Variants in NFAT5 observed in about 807,000 individuals in gnomAD.
NFAT5 encodes the protein nuclear factor of activated T-cells 5.
In NFAT5, 31 loss-of-function variants were observed where a neutral mutation model predicts 166.5. That is an observed-to-expected ratio of 0.19 (90% confidence interval 0.14 to 0.25). NFAT5 has a LOEUF of 0.25. Among genes scored for constraint, NFAT5 ranks in the 10% least tolerant of loss-of-function variants. The probability of loss-of-function intolerance (pLI) is 1.00; values close to 1 mark genes in which losing one functional copy is unlikely to be tolerated. For synonymous variants in NFAT5, 612 were observed against 639.7 expected (o/e 0.96, Z 0.65); for missense variants, 1,449 against 1,821.8 (o/e 0.80, Z 3.72).
chr16:69,568,674 G>C (rs994011925), intron 2 of NFAT5, 126 bp downstream of exon 2: 10 of 638,234 alleles, frequency 1.6e-5, no homozygotes, highest in East Asian at 3.2e-5. Context: ...TAAAGAGTCT[G>C]ATCCTTCTTT....
At chr16:69,688,209 A>ACAAACAAAC (rs1200050060) in intron 11 of NFAT5, among the ~76,000 whole-genome samples, 2 of 120,704 alleles carry the variant, frequency 1.7e-5, no homozygotes, top group Non-Finnish European at 1.6e-5. Context: ...TCTCAAAAAA[A>ACAAACAAAC]AAAAAAAAAA....
Position 69,692,817 on chromosome 16 carries a change from A to G in NFAT5, c.2992A>G (p.Thr998Ala), listed in dbSNP as rs983199439. The G allele has an allele frequency of 2.5e-6, 4 of 1,614,220 alleles. No individual in the cohort carries two copies. The highest frequency in any genetic ancestry group is 2.5e-6 in the Non-Finnish European group (3 of 1,180,032). The stretch of plus-strand genomic sequence containing the variant: ...ACAGCAGGTTGCAACCCCTGGCACT[A>G]CCATGTTTCAGACATCAAGTTCAGG... The part of the protein sequence containing the change: ...TTQQVATPGT[T>A]MFQTSSSGDG... Residue 998 changes from threonine to alanine, a missense_variant, in exon 13 of 15, where the codon ACC becomes GCC. Thr to Ala is a moderately conservative substitution (Grantham distance 58). This residue lies in a region of NFAT5 where 891 missense variants were observed against 993.0 expected (regional missense o/e 0.90). Transcript: ENST00000349945.
At chr16:69,644,845 G>A in intron 3 of NFAT5, 1 of 454,990 alleles carries the variant, frequency 2.2e-6, no homozygotes, top group South Asian at 1.6e-5. Flanking sequence ...ATGATCCTTA[G>A]ATTTAAAAAG....
rs2037846923 is a variant in NFAT5 at position 69,699,010 on chromosome 16, A to G, written c.*2659A>G. On this transcript the variant is annotated 3_prime_UTR_variant, in exon 15 of 15. Transcript: ENST00000349945. ...CCACACAATCCAGTGCTTCAGTTTG[A>G]AAATGTAAAATTCTAACCCTAAAGT... The G allele has an allele frequency of 1.3e-5, 2 of 152,644 alleles. No individual in the cohort carries two copies. Among genetic ancestry groups the G allele is most frequent in the African/African-American group, 4.8e-5 (2 of 41,448 alleles). The allele number at this position is 152,644 out of a possible 1,614,324, so 9.5% of individuals were successfully genotyped here. A position where few individuals can be genotyped will look rare whatever the true frequency, so the allele number is the denominator to read the frequency against.
At chr16:69,669,601 G>A (rs2036543660) in intron 7 of NFAT5, among the ~76,000 whole-genome samples, 1 of 152,076 alleles carries the variant, frequency 6.6e-6, no homozygotes, top group Non-Finnish European at 1.5e-5. Flanking sequence ...ATTTAACAAA[G>A]ACAGGATACT....
At chr16:69,578,454 C>T (rs1309748964) in intron 2 of NFAT5, among the ~76,000 whole-genome samples, 4 of 152,078 alleles carry the variant, frequency 2.6e-5, no homozygotes, top group African/African-American at 4.8e-5. Flanking sequence ...CATTAAAATG[C>T]TTTTATTAGC....
chr16:69,608,193 CA>C (rs34206055), intron 2 of NFAT5, among the ~76,000 whole-genome samples: 6,506 of 151,292 alleles, frequency 0.043, 476 homozygotes, highest in African/African-American at 0.15. Context: ...CGGTCTCTAC[CA>C]AAAATATAAA....
At chr16:69,570,045 A>G (rs2016341430) in intron 2 of NFAT5, among the ~76,000 whole-genome samples, 1 of 152,208 alleles carries the variant, frequency 6.6e-6, no homozygotes, top group Non-Finnish European at 1.5e-5. Context: ...GAGGAGAAAG[A>G]CATGAAGAAA....
chr16:69,610,538 C>T (rs1469316809), intron 2 of NFAT5, among the ~76,000 whole-genome samples: 1 of 152,152 alleles, frequency 6.6e-6, no homozygotes, highest in African/African-American at 2.4e-5. Context: ...AAATAGATGG[C>T]ATTCCTAACC....
intron 2 of NFAT5, among the ~76,000 whole-genome samples, chr16:69,601,678 G>A (rs1415216369): frequency 6.6e-6 from 1 of 152,044 alleles, no homozygotes; most frequent in Admixed American, 6.6e-5. Flanking sequence ...CAATCAATGT[G>A]GTTTAAATAA....
chr16:69,643,907 G>A (rs1198618000), intron 3 of NFAT5, among the ~76,000 whole-genome samples: 1 of 152,128 alleles, frequency 6.6e-6, no homozygotes, highest in African/African-American at 2.4e-5. Context: ...AATGCACTCA[G>A]ATCTCTTGCT....
chr16:69,669,154 C>G (rs2036524819), intron 7 of NFAT5, among the ~76,000 whole-genome samples: 2 of 152,192 alleles, frequency 1.3e-5, no homozygotes, highest in African/African-American at 4.8e-5. Flanking sequence ...CTTAGCCTCC[C>G]AAAGTGCTGG....
At chr16:69,676,570 T>G (rs1341774862) in intron 9 of NFAT5, among the ~76,000 whole-genome samples, 1 of 152,226 alleles carries the variant, frequency 6.6e-6, no homozygotes, top group Non-Finnish European at 1.5e-5. Flanking sequence ...TAAGGTACTA[T>G]TCTTTACAAG....
intron 3 of NFAT5, among the ~76,000 whole-genome samples, chr16:69,627,809 G>T (rs2034536473): frequency 6.6e-6 from 1 of 152,054 alleles, no homozygotes; most frequent in South Asian, 2.1e-4. Flanking sequence ...GACCTGGTTT[G>T]CTTTATATCC....
intron 11 of NFAT5, among the ~76,000 whole-genome samples, chr16:69,689,599 A>G (rs573934168): frequency 1.1e-4 from 16 of 152,362 alleles, no homozygotes; most frequent in Non-Finnish European, 2.1e-4. Context: ...CCTGCAGTAC[A>G]GTAGAGCGAT....
Position 69,647,401 on chromosome 16 carries a change from C to T in NFAT5, c.627C>T (p.Tyr209=). The change falls in exon 4 of 15, where the codon TAC becomes TAT. Residue 209 remains tyrosine (Y), a synonymous_variant. Coordinates refer to ENST00000349945, the MANE Select transcript of NFAT5 (RefSeq NM_138713.4). The surrounding 1 kb of genome is among the most constrained non-coding windows in gnomAD (Gnocchi z 4.8). ...TCAGTAACATGAGCACCAGTTCCTA[C>T]AATGATAACACTGAGGTACCTCGTA... The part of the protein sequence containing the change: ...SNFSNMSTSS[Y]NDNTEVPRKS... The T allele has an allele frequency of 3.1e-6, 5 of 1,614,148 alleles. No homozygotes were observed. Among genetic ancestry groups the T allele is most frequent in the Non-Finnish European group, 4.2e-6 (5 of 1,180,022 alleles).
At chr16:69,665,499 A>G (rs2036332157) in intron 7 of NFAT5, among the ~76,000 whole-genome samples, 1 of 64,580 alleles carries the variant, frequency 1.5e-5, no homozygotes, top group African/African-American at 6.8e-5. Flanking sequence ...ATGTACAAAA[A>G]TCACAAGCAT....
At chr16:69,639,984 G>A (rs1045544227) in intron 3 of NFAT5, among the ~76,000 whole-genome samples, 2 of 152,116 alleles carry the variant, frequency 1.3e-5, no homozygotes, top group Non-Finnish European at 2.9e-5. Flanking sequence ...ACATGTAAAC[G>A]TATGTTGGGT....
intron 2 of NFAT5, among the ~76,000 whole-genome samples, chr16:69,582,842 A>G (rs1160156942): frequency 1.3e-5 from 2 of 151,794 alleles, no homozygotes; most frequent in Admixed American, 6.6e-5. Flanking sequence ...TGTTTCGGCT[A>G]TTTAATGTCT....
Sources: allele counts gnomAD v4.1 joint callset (sites outside exome capture counted in the v4.1 genomes callset), GRCh38; gene constraint gnomAD v4.1.1; regional missense constraint gnomAD v4.1.1; non-coding constraint Gnocchi (gnomAD v3.1); transcripts MANE v1.5; gene names NCBI Gene and HGNC (gene_info 2026-07-23, HGNC 2026-07-21).